ADAMTSL1: variants seen among roughly 807,000 people sequenced by gnomAD.
ADAMTSL1 encodes the protein ADAMTS like 1.
ADAMTSL1 carries 126 observed loss-of-function variants against 201.8 expected under a neutral mutation model. The observed-to-expected ratio is 0.62, with a 90% confidence interval of 0.54 to 0.72. The LOEUF is 0.72. Among genes scored for constraint, ADAMTSL1 ranks in the 30% least tolerant of loss-of-function variants. The pLI is 0.00. For synonymous variants in ADAMTSL1, 1,121 were observed against 903.4 expected (o/e 1.24, Z -4.32); for missense variants, 2,679 against 2,277.8 (o/e 1.18, Z -3.59).
At chr9:18,068,797 T>C (rs929300180) in intron 1 of ADAMTSL1, among the ~76,000 whole-genome samples, 3 of 152,218 alleles carry the variant, frequency 2.0e-5, no homozygotes, top group African/African-American at 7.2e-5. Context: ...AGATACATCT[T>C]TGCATTCAAG....
chr9:18,824,494 AGGACAC>A (rs915631694), intron 21 of ADAMTSL1, among the ~76,000 whole-genome samples: 5 of 152,124 alleles, frequency 3.3e-5, no homozygotes, highest in Non-Finnish European at 5.9e-5. Context: ...GCCAATTTCA[AGGACAC>A]GTAACAGATA....
chr9:18,547,997 A>T (rs1820578246), intron 3 of ADAMTSL1, among the ~76,000 whole-genome samples: 1 of 152,050 alleles, frequency 6.6e-6, no homozygotes, highest in Non-Finnish European at 1.5e-5. Context: ...ATATAATACC[A>T]AGAAAGACAA....
In ADAMTSL1 at chr9:18,825,661, G is replaced by A. The variant is rs187411659; in HGVS notation, c.3935-623G>A. 5.7e-4 allele frequency among the ~76,000 whole-genome samples: 86 copies of A among 152,074 alleles called. 1 individual carries two copies. Among genetic ancestry groups the A allele is most frequent in the Admixed American group, 5.2e-3 (80 of 15,282 alleles). On this transcript the variant is annotated intron_variant, in intron 21 of 28. Transcript: ENST00000380548. Reference sequence around the variant, plus strand: ...AACACTCCCCACCAGACCAGCCCCCGGTCAAGACACAGAGCATCGCCAGTG... The same window carrying A: ...AACACTCCCCACCAGACCAGCCCCCAGTCAAGACACAGAGCATCGCCAGTG...
intron 4 of ADAMTSL1, among the ~76,000 whole-genome samples, chr9:18,607,743 A>G (rs531624981): frequency 1.3e-5 from 2 of 151,466 alleles, no homozygotes; most frequent in Admixed American, 6.6e-5. Flanking sequence ...CCACCCCACA[A>G]CAGTCCCCAG....
chr9:17,996,658 C>G (rs79131392), intron 1 of ADAMTSL1, among the ~76,000 whole-genome samples: 1 of 151,992 alleles, frequency 6.6e-6, no homozygotes, highest in Non-Finnish European at 1.5e-5. Flanking sequence ...GTTGCCAACC[C>G]TTTTTGAACC....
intron 18 of ADAMTSL1, 34 bp downstream of exon 18, chr9:18,775,930 G>T: frequency 1.9e-6 from 3 of 1,569,080 alleles, no homozygotes; most frequent in Non-Finnish European, 2.6e-6. Flanking sequence ...ATGGGGAGAT[G>T]AAACCCACAC....
Position 18,126,806 on chromosome 9 carries a change from A to G in ADAMTSL1, c.88-37056A>G, listed in dbSNP as rs528772940. Among the ~76,000 whole-genome samples the G allele has an allele frequency of 9.2e-5, 14 of 152,320 alleles. 1 individual carries two copies. The East Asian group carries it at 2.7e-3, about 29-fold the overall frequency. ...ATTAGTTATCTCTAAATCTTTGAAAATATGTCTATGCTTATGCCTCTGGAT... is the reference window on the plus strand; with the variant it reads ...ATTAGTTATCTCTAAATCTTTGAAAGTATGTCTATGCTTATGCCTCTGGAT... On this transcript the variant is annotated intron_variant, in intron 1 of 29. Transcript: ENST00000680146.
At chr9:18,470,835 ACT>A (rs769523695), upstream of ADAMTSL1, among the ~76,000 whole-genome samples, 9 of 132,582 alleles carry the variant, frequency 6.8e-5, no homozygotes, top group Non-Finnish European at 1.4e-4. Flanking sequence ...CAGCCCTGAC[ACT>A]CTCTCTCTCT....
chr9:18,843,583 C>A (rs995865633), intron 23 of ADAMTSL1, among the ~76,000 whole-genome samples: 1 of 150,428 alleles, frequency 6.6e-6, no homozygotes, highest in African/African-American at 2.5e-5. Context: ...TGTTGCCCTG[C>A]CTTGCTGGAT....
At chr9:18,494,780 C>G (rs1177029103) in intron 1 of ADAMTSL1, among the ~76,000 whole-genome samples, 1 of 152,174 alleles carries the variant, frequency 6.6e-6, no homozygotes, top group Admixed American at 6.5e-5. Flanking sequence ...ATATAACACA[C>G]ATATGCTCAA....
At chr9:17,948,584 C>T (rs554659446) in intron 1 of ADAMTSL1, among the ~76,000 whole-genome samples, 172 of 152,256 alleles carry the variant, frequency 1.1e-3, no homozygotes, top group African/African-American at 3.7e-3. Context: ...TAGGAAACAG[C>T]GTCAGATGAA....
intron 4 of ADAMTSL1, among the ~76,000 whole-genome samples, chr9:18,591,138 T>C (rs1323823763): frequency 1.3e-5 from 2 of 152,146 alleles, no homozygotes; most frequent in Non-Finnish European, 2.9e-5. Context: ...CCTACTATTT[T>C]TGTATTGCCA....
rs1163883757 is a variant in ADAMTSL1 at position 17,925,418 on chromosome 9, C to T, written c.87+18496C>T. Among the ~76,000 whole-genome samples the T allele has an allele frequency of 5.7e-5, 6 of 105,034 alleles. 1 individual carries two copies. Among genetic ancestry groups the T allele is most frequent in the East Asian group, 4.3e-4 (1 of 2,344 alleles). The allele number at this position is 105,034 out of a possible 152,430, so 68.9% of individuals were successfully genotyped here. On this transcript the variant is annotated intron_variant, in intron 1 of 29. Coordinates refer to the ADAMTSL1 transcript ENST00000680146. ...GACACATGCACACGTATGTTTATTG[C>T]GGCATTATTCACAATAGCAAAGACT...
At chr9:18,213,961 T>C (rs1316417596) in intron 2 of ADAMTSL1, among the ~76,000 whole-genome samples, 3 of 152,156 alleles carry the variant, frequency 2.0e-5, no homozygotes, top group Non-Finnish European at 1.5e-5. Context: ...GGTCTCGAAC[T>C]CCTGACCTCA....
chr9:18,518,091 C>T (rs1360738921), intron 2 of ADAMTSL1, among the ~76,000 whole-genome samples: 1 of 152,102 alleles, frequency 6.6e-6, no homozygotes. Flanking sequence ...CTAGATTCTG[C>T]AGCTCAGAGA....
intron 1 of ADAMTSL1, among the ~76,000 whole-genome samples, chr9:17,930,296 C>G (rs1369905120): frequency 6.6e-6 from 1 of 152,042 alleles, no homozygotes; most frequent in South Asian, 2.1e-4. Flanking sequence ...ACCCTGGTGC[C>G]TGTATCTGGA....
chr9:18,666,099 C>A (rs1012660770), intron 9 of ADAMTSL1, among the ~76,000 whole-genome samples: 1 of 152,108 alleles, frequency 6.6e-6, no homozygotes, highest in Non-Finnish European at 1.5e-5. Context: ...CATAGTAACT[C>A]GACATTGTGC....
chr9:18,234,409 TTC>T, intron 2 of ADAMTSL1, among the ~76,000 whole-genome samples: 1 of 151,808 alleles, frequency 6.6e-6, no homozygotes, highest in Non-Finnish European at 1.5e-5. Context: ...AAACTGACAT[TTC>T]TTGAGCTTCT....
At chr9:18,498,655 ACT>A (rs1356168768) in intron 1 of ADAMTSL1, among the ~76,000 whole-genome samples, 1 of 151,736 alleles carries the variant, frequency 6.6e-6, no homozygotes, top group African/African-American at 2.4e-5. Flanking sequence ...ACATGAAGAA[ACT>A]CTGGCTTAAC....
Sources: gnomAD v4.1 joint callset for allele counts (sites outside exome capture counted in the v4.1 genomes callset) on GRCh38, gnomAD v4.1.1 for gene constraint, MANE v1.5 for transcripts, NCBI Gene and HGNC (gene_info 2026-07-23, HGNC 2026-07-21) for gene names.